CEPT1: variants seen among roughly 807,000 people sequenced by gnomAD.
CEPT1 encodes the protein choline/ethanolamine phosphotransferase 1, also known as choline/ethanolaminephosphotransferase 1.
A neutral mutation model predicts 42.6 loss-of-function variants in CEPT1; 7 were observed. The observed-to-expected ratio is 0.16, with a 90% CI of 0.09 to 0.31. The LOEUF is 0.31. Among genes scored for constraint, CEPT1 ranks in the 10% least tolerant of loss-of-function variants. The pLI, the probability that CEPT1 is intolerant of heterozygous loss-of-function variation, is 1.00. For missense variants in CEPT1, 306 were observed against 502.1 expected, an observed-to-expected ratio of 0.61 and a Z score of 3.73; for synonymous variants, 171 against 171.9, an observed-to-expected ratio of 0.99 and a Z score of 0.04.
chr1:111,166,875 T>C (rs937447700), intron 4 of CEPT1, among the ~76,000 whole-genome samples: 1 of 152,200 alleles, frequency 6.6e-6, no homozygotes, highest in Non-Finnish European at 1.5e-5. Context: ...AGTCATTTTT[T>C]CAGTATATTA....
intron 2 of CEPT1, among the ~76,000 whole-genome samples, chr1:111,153,088 A>G (rs1259023596): frequency 6.6e-6 from 1 of 152,120 alleles, no homozygotes; most frequent in Non-Finnish European, 1.5e-5. Context: ...CATAGCTGTA[A>G]CTTTGCTTCT....
chr1:111,150,222 C>T (rs1655195368), intron 2 of CEPT1, among the ~76,000 whole-genome samples: 1 of 152,174 alleles, frequency 6.6e-6, no homozygotes, highest in Non-Finnish European at 1.5e-5. Flanking sequence ...GCTGTTATCT[C>T]TGTGATCTTC....
chr1:111,182,512 T>C, intron 6 of CEPT1, 194 bp downstream of exon 6: 2 of 619,208 alleles, frequency 3.2e-6, no homozygotes, highest in Non-Finnish European at 5.4e-6. Context: ...ATTCATACTT[T>C]TATGCATACA....
At chr1:111,141,426 T>C (rs1180655153) in intron 1 of CEPT1, among the ~76,000 whole-genome samples, 1 of 152,250 alleles carries the variant, frequency 6.6e-6, no homozygotes, top group African/African-American at 2.4e-5. Flanking sequence ...ATCTACCTTA[T>C]ATTAACACCA....
chr1:111,167,526 T>G, intron 4 of CEPT1: 1 of 901,118 alleles, frequency 1.1e-6, no homozygotes. Context: ...ATATTTCTAT[T>G]TTGAAAACAG....
intron 7 of CEPT1, 93 bp from the exon 8 acceptor site, chr1:111,183,369 T>C (rs915989314): frequency 2.2e-6 from 3 of 1,375,652 alleles, no homozygotes; most frequent in Non-Finnish European, 3.0e-6. Context: ...TAAATAATTA[T>C]TGGAAGTTGA....
chr1:111,181,980 T>C (rs1337889348), intron 5 of CEPT1: 1 of 351,138 alleles, frequency 2.8e-6, no homozygotes, highest in Non-Finnish European at 5.2e-6. Context: ...GGTTGATGGC[T>C]GAAGTGAGAT....
At chr1:111,177,499 T>C (rs1339601112) in intron 5 of CEPT1, among the ~76,000 whole-genome samples, 1 of 152,192 alleles carries the variant, frequency 6.6e-6, no homozygotes, top group Admixed American at 6.5e-5. Context: ...TTGTTATAAA[T>C]ATGGAAATGC....
At chr1:111,144,397 G>GT (rs1654837828) in intron 1 of CEPT1, among the ~76,000 whole-genome samples, 1 of 152,234 alleles carries the variant, frequency 6.6e-6, no homozygotes, top group Non-Finnish European at 1.5e-5. Context: ...CAGAGACATT[G>GT]TTGCTGCAAT....
intron 1 of CEPT1, chr1:111,140,668 AC>A (rs969963270): frequency 6.6e-6 from 1 of 152,368 alleles, no homozygotes; most frequent in African/African-American, 2.4e-5. Flanking sequence ...TGGGAGCGCT[AC>A]CCGTGCCGAA....
At chr1:111,160,407 C>G (rs1413934306) in intron 3 of CEPT1, 2 of 151,996 alleles carry the variant, frequency 1.3e-5, no homozygotes, top group Admixed American at 1.3e-4. Flanking sequence ...TAACAAAAAC[C>G]CCTTATAGTT....
At chr1:111,146,404 C>T (rs949794722) in intron 1 of CEPT1, among the ~76,000 whole-genome samples, 13 of 152,114 alleles carry the variant, frequency 8.5e-5, no homozygotes, top group African/African-American at 3.1e-4. Context: ...TCTTTTCCAA[C>T]TTGCCCTTTT....
chr1:111,142,532 C>G (rs189728364), intron 1 of CEPT1, among the ~76,000 whole-genome samples: 7 of 152,184 alleles, frequency 4.6e-5, no homozygotes, highest in Middle Eastern at 3.4e-3. Flanking sequence ...GGCACATGCT[C>G]GTAATCCTAG....
At chr1:111,152,167 GT>G (rs3838427) in intron 2 of CEPT1, among the ~76,000 whole-genome samples, 22,323 of 151,908 alleles carry the variant, frequency 0.15, 1,963 homozygotes, top group South Asian at 0.28. Context: ...ACACTCATTT[GT>G]TTTTGTTTTT....
chr1:111,143,219 G>A (rs1214706155), intron 1 of CEPT1, among the ~76,000 whole-genome samples: 2 of 151,994 alleles, frequency 1.3e-5, no homozygotes, highest in Non-Finnish European at 2.9e-5. Flanking sequence ...GATCTCTCTC[G>A]TACCTGAGCA....
At position 111,161,138 on chromosome 1, in the gene CEPT1, T is replaced by C; in HGVS notation, c.488-17T>C. On this transcript the variant is annotated splice_polypyrimidine_tract_variant and intron_variant, in intron 3 of 8. Transcript: ENST00000357172. The stretch of plus-strand genomic sequence containing the variant: ...TATTCATATTATTTGGTTTTCATCG[T>C]GATCTTTCTTCTGCAGTTTTTGTGG... 1.2e-6 allele frequency: 2 copies of C among 1,613,986 alleles called. No homozygotes were observed.
At chr1:111,144,787 C>T (rs766632703) in intron 1 of CEPT1, among the ~76,000 whole-genome samples, 4 of 152,240 alleles carry the variant, frequency 2.6e-5, no homozygotes, top group East Asian at 1.9e-4. Context: ...TTACCAAATA[C>T]GAAAATATAT....
intron 1 of CEPT1, among the ~76,000 whole-genome samples, chr1:111,144,119 G>C (rs1219056496): frequency 1.3e-5 from 2 of 152,112 alleles, no homozygotes; most frequent in South Asian, 2.1e-4. Flanking sequence ...TGATCTTCCT[G>C]TTGTAGCCAC....
chr1:111,142,284 G>A (rs961288171), intron 1 of CEPT1, among the ~76,000 whole-genome samples: 2 of 152,040 alleles, frequency 1.3e-5, no homozygotes, highest in African/African-American at 2.4e-5. Context: ...TTGTCAGACC[G>A]TATGTGTTTT....
Sources: allele counts gnomAD v4.1 joint callset (sites outside exome capture counted in the v4.1 genomes callset), GRCh38; gene constraint gnomAD v4.1.1; transcripts MANE v1.5; gene names NCBI Gene and HGNC (gene_info 2026-07-23, HGNC 2026-07-21).